EPHA6: variants seen among roughly 807,000 people sequenced by gnomAD.
EPHA6 encodes the protein EPH receptor A6.
EPHA6 carries 50 observed loss-of-function variants against 112.0 expected under a neutral mutation model. The observed-to-expected ratio is 0.45, with a 90% CI of 0.36 to 0.56. The LOEUF is 0.56. Ranked by LOEUF, EPHA6 falls within the 20% of genes least tolerant of loss-of-function variation. EPHA6 has a pLI of 0.00. For synonymous variants in EPHA6, 529 were observed against 490.7 expected, an observed-to-expected ratio of 1.08 and a Z score of -1.03; for missense variants, 1,280 against 1,417.4, an observed-to-expected ratio of 0.90 and a Z score of 1.56.
intron 7 of EPHA6, among the ~76,000 whole-genome samples, chr3:97,450,355 C>A (rs536745875): frequency 6.6e-6 from 1 of 152,066 alleles, no homozygotes; most frequent in South Asian, 2.1e-4. Flanking sequence ...CTTTTCACAG[C>A]CTGGAAAAGT....
intron 1 of EPHA6, among the ~76,000 whole-genome samples, chr3:96,860,180 A>G (rs1467344260): frequency 1.3e-5 from 2 of 152,148 alleles, no homozygotes; most frequent in Non-Finnish European, 2.9e-5. Flanking sequence ...CTTAGGTCCT[A>G]GTTAGGGAAG....
At chr3:96,849,707 C>A (rs2035275760) in intron 1 of EPHA6, among the ~76,000 whole-genome samples, 1 of 152,148 alleles carries the variant, frequency 6.6e-6, no homozygotes. Flanking sequence ...TAAGGCCCAG[C>A]TGGCTGGACT....
intron 12 of EPHA6, among the ~76,000 whole-genome samples, chr3:97,595,988 C>T (rs1004635778): frequency 2.7e-5 from 4 of 147,262 alleles, no homozygotes; most frequent in East Asian, 2.0e-4. Flanking sequence ...TCACTGCAAG[C>T]TTCGCCTCCC....
At chr3:97,713,426 T>A (rs1170720611) in intron 14 of EPHA6, among the ~76,000 whole-genome samples, 2 of 152,178 alleles carry the variant, frequency 1.3e-5, no homozygotes, top group African/African-American at 4.8e-5. Context: ...TAAGATTTTT[T>A]AAAAATTTAG....
intron 5 of EPHA6, among the ~76,000 whole-genome samples, chr3:97,267,194 A>G (rs2079713020): frequency 6.6e-6 from 1 of 152,078 alleles, no homozygotes; most frequent in Non-Finnish European, 1.5e-5. Context: ...CTGTTTCAAA[A>G]GCCACTTAAA....
At chr3:97,423,574 A>G (rs1488228993) in intron 6 of EPHA6, among the ~76,000 whole-genome samples, 1 of 152,158 alleles carries the variant, frequency 6.6e-6, no homozygotes, top group African/African-American at 2.4e-5. Flanking sequence ...TTGCCATACT[A>G]CCCAAAGCAA....
chr3:96,816,960 T>C (rs2032841151), intron 1 of EPHA6, among the ~76,000 whole-genome samples: 1 of 152,056 alleles, frequency 6.6e-6, no homozygotes, highest in South Asian at 2.1e-4. Context: ...AATTTATTTA[T>C]TTTTATTAAT....
At chr3:97,583,976 T>A (rs1291462592) in intron 11 of EPHA6, among the ~76,000 whole-genome samples, 2 of 152,176 alleles carry the variant, frequency 1.3e-5, no homozygotes, top group Non-Finnish European at 2.9e-5. Flanking sequence ...ATTTTAAAAG[T>A]TTTGGAAATT....
rs979625595 is a variant in EPHA6 at position 97,684,188 on chromosome 3, T to C, written c.2785-36073T>C. On this transcript the variant is annotated intron_variant, in intron 14 of 17. Transcript: ENST00000389672. ...TTAGTATGTGCTTAATTCTTTTTCG[T>C]ACTCAGCACGTTTCATATTTAGCAA... Among the ~76,000 whole-genome samples the C allele has an allele frequency of 2.6e-5, 4 of 152,210 alleles. No individual in the cohort carries two copies. In the South Asian group the frequency reaches 8.3e-4, roughly 31 times the overall value.
In EPHA6 at chr3:97,592,708, G is replaced by A; in HGVS notation, c.2483G>A (p.Gly828Glu). The change falls in exon 12 of 18, where the codon GGA becomes GAA. Residue 828 changes from glycine (G) to glutamate (E), a missense_variant. By Grantham distance (98) the Gly-to-Glu change is moderately conservative (BLOSUM62 -2). This residue lies in a region of EPHA6 where 878 missense variants were observed against 999.7 expected (regional missense o/e 0.88). Transcript: ENST00000389672. ...SIQAPHPVPG[G>E]GSLPPRIPAG... is the part of the protein sequence containing the mutation. ...CAGGCCCCGCATCCAGTGCCAGGGG[G>A]AGGATCTTTGCCCCCCAGGATTCCT... 1 of 1,602,880 alleles carries A rather than the reference G, an allele frequency of 6.2e-7. No homozygotes were observed.
intron 3 of EPHA6, among the ~76,000 whole-genome samples, chr3:97,132,184 A>G (rs2108329711): frequency 6.6e-6 from 1 of 152,220 alleles, no homozygotes; most frequent in East Asian, 1.9e-4. Context: ...CAGAGCACTT[A>G]TCTAGTTTAA....
At chr3:97,156,856 C>CAAATATATATT (rs2076299768) in intron 3 of EPHA6, among the ~76,000 whole-genome samples, 1 of 151,970 alleles carries the variant, frequency 6.6e-6, no homozygotes, top group African/African-American at 2.4e-5. Flanking sequence ...TATCCCTATT[C>CAAATATATATT]TCAAACACAT....
intron 11 of EPHA6, among the ~76,000 whole-genome samples, chr3:97,556,382 G>A (rs1258056705): frequency 1.3e-5 from 2 of 152,050 alleles, no homozygotes; most frequent in African/African-American, 4.8e-5. Flanking sequence ...ATAGGAAAGA[G>A]GTTTAATTCA....
Position 97,749,595 on chromosome 3 carries a change from A to C in EPHA6, c.*894A>C, listed in dbSNP as rs1172240577. Among the ~76,000 whole-genome samples the C allele has an allele frequency of 6.6e-6, 1 of 152,206 alleles. No homozygotes were observed. The highest frequency in any genetic ancestry group is 1.5e-5 in the Non-Finnish European group (1 of 68,030). On this transcript the variant is annotated 3_prime_UTR_variant, in exon 18 of 18. Coordinates refer to ENST00000389672, the MANE Select transcript of EPHA6 (RefSeq NM_001080448.3). ...ACTATTTCCTTTGTGCATTGTCACA[A>C]GTTTGCAAAAGCAATTATCAAAGCA...
intron 11 of EPHA6, among the ~76,000 whole-genome samples, chr3:97,550,782 T>C (rs970403525): frequency 2.0e-5 from 3 of 152,118 alleles, no homozygotes; most frequent in Non-Finnish European, 4.4e-5. Context: ...GGACCTACTT[T>C]ATTTTATTTA....
chr3:97,610,958 C>A, intron 13 of EPHA6, 104 bp downstream of exon 13: 2 of 956,622 alleles, frequency 2.1e-6, no homozygotes, highest in Non-Finnish European at 3.2e-6. Flanking sequence ...CATGGATTTT[C>A]TGTGAAGAAT....
At chr3:97,654,905 A>G (rs2094128526) in intron 14 of EPHA6, among the ~76,000 whole-genome samples, 1 of 151,642 alleles carries the variant, frequency 6.6e-6, no homozygotes, top group Non-Finnish European at 1.5e-5. Context: ...TAAAGAGCTC[A>G]TTCTGGCTGT....
At chr3:97,334,716 C>A (rs765000800) in intron 5 of EPHA6, among the ~76,000 whole-genome samples, 3 of 152,016 alleles carry the variant, frequency 2.0e-5, no homozygotes, top group Non-Finnish European at 2.9e-5. Context: ...TCTCTTTCAT[C>A]CTTGTTGAGC....
chr3:97,393,602 G>C (rs1052683175), intron 5 of EPHA6, among the ~76,000 whole-genome samples: 3 of 151,762 alleles, frequency 2.0e-5, no homozygotes, highest in African/African-American at 7.2e-5. Context: ...AGAGTTTTCT[G>C]TGCAAACGTT....
Sources: gnomAD v4.1 joint callset for allele counts (sites outside exome capture counted in the v4.1 genomes callset) on GRCh38, gnomAD v4.1.1 for gene constraint, gnomAD v4.1.1 regional missense constraint, MANE v1.5 for transcripts, NCBI Gene and HGNC (gene_info 2026-07-23, HGNC 2026-07-21) for gene names.